SH3RF1: variants seen among roughly 807,000 people sequenced by gnomAD.
SH3RF1 encodes SH3 domain containing ring finger 1, also known as E3 ubiquitin-protein ligase SH3RF1.
In SH3RF1, 32 loss-of-function variants were observed where a neutral mutation model predicts 74.0. The observed-to-expected ratio is 0.43, with a 90% CI of 0.33 to 0.58. The LOEUF is 0.58. Among genes scored for constraint, SH3RF1 ranks in the 20% least tolerant of loss-of-function variants. The pLI is 0.05. For missense variants in SH3RF1, 954 were observed against 1,130.9 expected, an observed-to-expected ratio of 0.84 and a Z score of 2.24; for synonymous variants, 396 against 439.6, an observed-to-expected ratio of 0.90 and a Z score of 1.24.
intron 2 of SH3RF1, among the ~76,000 whole-genome samples, chr4:169,165,624 A>G (rs1734225210): frequency 7.1e-6 from 1 of 141,016 alleles, no homozygotes; most frequent in South Asian, 2.3e-4. Context: ...ACTCTGTCTC[A>G]GAGAAAAAAA....
chr4:169,141,583 C>T (rs1270850820), intron 4 of SH3RF1, among the ~76,000 whole-genome samples: 2 of 150,904 alleles, frequency 1.3e-5, no homozygotes. Flanking sequence ...TATTTCCATA[C>T]TCTATCCATA....
At chr4:169,218,338 A>T (rs1352708098) in intron 2 of SH3RF1, among the ~76,000 whole-genome samples, 11 of 142,384 alleles carry the variant, frequency 7.7e-5, no homozygotes, top group South Asian at 4.2e-4. Flanking sequence ...AGATTATAGA[A>T]TATAGAATAT....
At chr4:169,200,443 A>T (rs1411038268) in intron 2 of SH3RF1, among the ~76,000 whole-genome samples, 6 of 152,220 alleles carry the variant, frequency 3.9e-5, no homozygotes, top group Admixed American at 3.9e-4. Flanking sequence ...AAAATTTTAA[A>T]GCATTTCTAA....
Position 169,155,548 on chromosome 4 carries a change from C to G in SH3RF1, c.697G>C (p.Val233Leu). The change falls in exon 4 of 12, where the codon GTG (valine) becomes CTG (leucine). Residue 233 changes from valine to leucine, a missense_variant. By Grantham distance (32) the Val-to-Leu change is conservative (BLOSUM62 1). Coordinates refer to ENST00000284637, the MANE Select transcript of SH3RF1 (RefSeq NM_020870.4). ...KDDVLTVIRR[V>L]DENWAEGMLA... ...ATTCCTTCAGCCCAGTTTTCATCCA[C>G]TCTTCGGATCACAGTCAGAACATCA... 6.2e-7 allele frequency: 1 copy of G among 1,613,678 alleles called. No individual in the cohort carries two copies. Among genetic ancestry groups the G allele is most frequent in the East Asian group, 2.2e-5 (1 of 44,854 alleles).
At chr4:169,098,218 C>T (rs1184628749) in intron 11 of SH3RF1, among the ~76,000 whole-genome samples, 1 of 152,234 alleles carries the variant, frequency 6.6e-6, no homozygotes, top group Non-Finnish European at 1.5e-5. Flanking sequence ...ACATCTTTCA[C>T]TGTTTGATGC....
At chr4:169,178,158 T>G (rs908914333) in intron 2 of SH3RF1, among the ~76,000 whole-genome samples, 5 of 151,778 alleles carry the variant, frequency 3.3e-5, no homozygotes, top group African/African-American at 1.2e-4. Flanking sequence ...GAAGAATCGC[T>G]TGAACCCAGG....
chr4:169,263,917 G>A (rs1315786609), intron 2 of SH3RF1, among the ~76,000 whole-genome samples: 1 of 152,198 alleles, frequency 6.6e-6, no homozygotes, highest in Non-Finnish European at 1.5e-5. Context: ...AATTATGCCA[G>A]GCAATGTGGG....
At chr4:169,231,456 C>T (rs1243943030) in intron 2 of SH3RF1, among the ~76,000 whole-genome samples, 1 of 152,086 alleles carries the variant, frequency 6.6e-6, no homozygotes, top group Non-Finnish European at 1.5e-5. Flanking sequence ...ATCCCAGCTA[C>T]TCAGGAGGCT....
intron 2 of SH3RF1, among the ~76,000 whole-genome samples, chr4:169,193,197 A>C (rs929136056): frequency 2.6e-5 from 4 of 152,104 alleles, no homozygotes; most frequent in South Asian, 2.1e-4. Flanking sequence ...ATACTGCCCA[A>C]GTGATGGGTG....
In SH3RF1 at chr4:169,116,550, A is replaced by G; in HGVS notation, c.1858T>C (p.Ser620Pro). The G allele has an allele frequency of 1.2e-6, 2 of 1,610,240 alleles. No individual in the cohort carries two copies. Among genetic ancestry groups the G allele is most frequent in the Non-Finnish European group, 8.5e-7 (1 of 1,177,794 alleles). Residue 620 changes from serine (S) to proline (P), a missense_variant, in exon 10 of 12, where the codon TCT (serine) becomes CCT (proline). This residue lies in a region of SH3RF1 where 854 missense variants were observed against 962.5 expected (regional missense o/e 0.89). Transcript: ENST00000284637. ...AGCGAGTGATGGGACAGGCCCACAG[A>G]TGCAGGGCTGAGGCCGGCGGCATTC... ...VQNAAGLSPA[S>P]VGLSHHSLAS...
chr4:169,145,839 A>ATATATTATTCTATATAAAATATGTG (rs1733870736), intron 4 of SH3RF1, among the ~76,000 whole-genome samples: 1 of 109,914 alleles, frequency 9.1e-6, no homozygotes, highest in African/African-American at 3.6e-5. Flanking sequence ...TAAAATATGT[A>ATATATTATTCTATATAAAATATGTG]TTCTATATAT....
intron 2 of SH3RF1, among the ~76,000 whole-genome samples, chr4:169,242,705 C>T (rs1360128809): frequency 1.3e-5 from 2 of 152,168 alleles, no homozygotes; most frequent in Non-Finnish European, 2.9e-5. Flanking sequence ...ATGGACTGTC[C>T]TTTATGAAGG....
intron 4 of SH3RF1, among the ~76,000 whole-genome samples, chr4:169,138,621 G>A (rs1733736138): frequency 6.6e-6 from 1 of 152,196 alleles, no homozygotes; most frequent in Admixed American, 6.5e-5. Flanking sequence ...AATATGAATA[G>A]AGGAAACTAT....
intron 11 of SH3RF1, among the ~76,000 whole-genome samples, chr4:169,099,809 G>C (rs989416895): frequency 6.6e-6 from 1 of 152,168 alleles, no homozygotes; most frequent in Non-Finnish European, 1.5e-5. Context: ...TTCCCAGTGG[G>C]AGCAAATTTT....
intron 10 of SH3RF1, among the ~76,000 whole-genome samples, chr4:169,110,789 T>C (rs1360901387): frequency 2.6e-5 from 4 of 152,146 alleles, no homozygotes; most frequent in African/African-American, 9.7e-5. Context: ...ATCTAGGATA[T>C]GGCAGAGTGC....
chr4:169,263,316 C>G (rs915168831), intron 2 of SH3RF1, among the ~76,000 whole-genome samples: 1 of 152,218 alleles, frequency 6.6e-6, no homozygotes, highest in South Asian at 2.1e-4. Flanking sequence ...ATCCCACCCC[C>G]TGATGCTTCA....
At chr4:169,152,597 C>T (rs954054942) in intron 4 of SH3RF1, among the ~76,000 whole-genome samples, 17 of 152,092 alleles carry the variant, frequency 1.1e-4, no homozygotes, top group Admixed American at 2.6e-4. Context: ...ATTAGCCGGA[C>T]GTGGTGGTGC....
intron 2 of SH3RF1, among the ~76,000 whole-genome samples, chr4:169,253,269 T>A (rs751555612): frequency 6.6e-6 from 1 of 152,204 alleles, no homozygotes; most frequent in South Asian, 2.1e-4. Context: ...TCTTAATCCA[T>A]AAGGAAATGT....
At chr4:169,218,366 TATATAGA>T (rs1300062629) in intron 2 of SH3RF1, among the ~76,000 whole-genome samples, 19 of 141,422 alleles carry the variant, frequency 1.3e-4, no homozygotes, top group African/African-American at 4.7e-4. Context: ...TATTATATAA[TATATAGA>T]ATATAGAATA....
Sources: gnomAD v4.1 joint callset for allele counts (sites outside exome capture counted in the v4.1 genomes callset) on GRCh38, gnomAD v4.1.1 for gene constraint, gnomAD v4.1.1 regional missense constraint, MANE v1.5 for transcripts, NCBI Gene and HGNC (gene_info 2026-07-23, HGNC 2026-07-21) for gene names.